Variants in GRID2 observed in about 807,000 individuals in gnomAD.
GRID2 encodes the protein glutamate receptor ionotropic, delta-2.
Under a neutral mutation model 114.8 loss-of-function variants are expected in GRID2, and 33 were observed. The ratio of observed to expected loss-of-function variants is 0.29; its 90% CI spans 0.22 to 0.38. The LOEUF is 0.38. Ranked by LOEUF, GRID2 falls within the 10% of genes least tolerant of loss-of-function variation. The probability of loss-of-function intolerance (pLI) is 1.00; values close to 1 mark genes in which losing one functional copy is unlikely to be tolerated. For synonymous variants in GRID2, 505 were observed against 449.9 expected (o/e 1.12, Z -1.55); for missense variants, 1,184 against 1,257.7 (o/e 0.94, Z 0.89).
At chr4:92,560,710 A>AT (rs71579569) in intron 1 of GRID2, among the ~76,000 whole-genome samples, 23 of 150,092 alleles carry the variant, frequency 1.5e-4, no homozygotes, top group Admixed American at 4.0e-4. Context: ...CATGGAACTA[A>AT]TTTTTTTTTT....
At chr4:92,527,343 T>C (rs1276779604) in intron 1 of GRID2, among the ~76,000 whole-genome samples, 2 of 152,150 alleles carry the variant, frequency 1.3e-5, no homozygotes, top group Admixed American at 1.3e-4. Context: ...TTTGAAATTA[T>C]CAAGGCTACT....
chr4:93,533,245 T>TCTTCCTTCCTTCCTTCCTTCCTTCCTTC (rs755045834), intron 13 of GRID2, among the ~76,000 whole-genome samples: 2 of 105,718 alleles, frequency 1.9e-5, no homozygotes, highest in Non-Finnish European at 3.8e-5. Flanking sequence ...TTTCTTTCTC[T>TCTTCCTTCCTTCCTTCCTTCCTTCCTTC]CTTCCTTCCT....
At chr4:92,806,553 A>G (rs1276302004) in intron 2 of GRID2, among the ~76,000 whole-genome samples, 1 of 151,820 alleles carries the variant, frequency 6.6e-6, no homozygotes, top group Non-Finnish European at 1.5e-5. Context: ...CAAGTAATGT[A>G]TCTTATTTGA....
intron 2 of GRID2, among the ~76,000 whole-genome samples, chr4:92,834,896 G>T (rs1195324978): frequency 6.6e-6 from 1 of 151,996 alleles, no homozygotes; most frequent in Non-Finnish European, 1.5e-5. Context: ...ATAAAACACA[G>T]CTCTTGATAA....
intron 2 of GRID2, among the ~76,000 whole-genome samples, chr4:92,652,897 C>T (rs1322377625): frequency 7.6e-6 from 1 of 131,036 alleles, no homozygotes; most frequent in Non-Finnish European, 1.6e-5. Flanking sequence ...TTTATAAATA[C>T]ATATAAATAT....
At chr4:93,311,281 T>C (rs1755983007) in intron 8 of GRID2, among the ~76,000 whole-genome samples, 1 of 152,144 alleles carries the variant, frequency 6.6e-6, no homozygotes, top group Admixed American at 6.5e-5. Context: ...GAAGGCGGCA[T>C]GGAAACTATG....
At chr4:92,718,423 A>T (rs1385746520) in intron 2 of GRID2, among the ~76,000 whole-genome samples, 1 of 152,092 alleles carries the variant, frequency 6.6e-6, no homozygotes, top group Non-Finnish European at 1.5e-5. Context: ...AAAATTTTAA[A>T]TATAGTTTAT....
chr4:93,755,290 G>T (rs998108701), intron 14 of GRID2, among the ~76,000 whole-genome samples: 1 of 152,158 alleles, frequency 6.6e-6, no homozygotes, highest in East Asian at 1.9e-4. Context: ...TAATAGATAA[G>T]TCTCATTAAG....
At chr4:93,800,622 A>G (rs1398365739) in intron 1 of GRID2, among the ~76,000 whole-genome samples, 1 of 152,208 alleles carries the variant, frequency 6.6e-6, no homozygotes, top group African/African-American at 2.4e-5. Context: ...CACTGTTATC[A>G]AAAAGTTTTT....
Position 93,434,683 on chromosome 4 carries a change from A to T in GRID2, c.1545+11715A>T, listed in dbSNP as rs1044178693. Among the ~76,000 whole-genome samples, 4 of 152,008 alleles carry T rather than the reference A, an allele frequency of 2.6e-5. No individual in the cohort carries two copies. In the East Asian group the frequency reaches 7.7e-4, roughly 29 times the overall value. ...CAATTACTCTCCCTTTCCACTCTTG[A>T]CTGCCTTCAATATATTTTAACACAG... On this transcript the variant is annotated intron_variant, in intron 10 of 15. Transcript: ENST00000282020.
At chr4:92,811,044 A>G (rs1230590913) in intron 2 of GRID2, among the ~76,000 whole-genome samples, 1 of 152,112 alleles carries the variant, frequency 6.6e-6, no homozygotes, top group Non-Finnish European at 1.5e-5. Context: ...CGGCCTTCCA[A>G]AGTGCTGGAA....
chr4:92,886,726 T>C (rs369169298), intron 2 of GRID2, among the ~76,000 whole-genome samples: 114 of 152,198 alleles, frequency 7.5e-4, no homozygotes, highest in Non-Finnish European at 1.5e-3. Flanking sequence ...CCCAGGTTCA[T>C]GCCATTCTCC....
intron 2 of GRID2, among the ~76,000 whole-genome samples, chr4:92,924,707 C>G (rs1243969789): frequency 2.0e-5 from 3 of 152,232 alleles, no homozygotes; most frequent in South Asian, 4.1e-4. Context: ...TGCCATGTCT[C>G]TAAACCATGC....
At chr4:92,459,001 C>G (rs1030559289) in intron 1 of GRID2, among the ~76,000 whole-genome samples, 9 of 152,100 alleles carry the variant, frequency 5.9e-5, no homozygotes, top group Admixed American at 5.9e-4. Flanking sequence ...GGTTTTAGAA[C>G]TGAAGCACTT....
chr4:93,401,033 A>G (rs1765832905), intron 9 of GRID2, among the ~76,000 whole-genome samples: 1 of 151,890 alleles, frequency 6.6e-6, no homozygotes, highest in South Asian at 2.1e-4. Context: ...GGGGCTCGCT[A>G]TGTTGCCCAA....
chr4:92,924,811 A>T (rs1469991353), intron 2 of GRID2, among the ~76,000 whole-genome samples: 2 of 152,132 alleles, frequency 1.3e-5, no homozygotes, highest in African/African-American at 4.8e-5. Flanking sequence ...ATGATTAATT[A>T]TTGCACATTT....
At chr4:93,200,458 C>T (rs1048860678) in intron 4 of GRID2, among the ~76,000 whole-genome samples, 87 of 151,978 alleles carry the variant, frequency 5.7e-4, no homozygotes, top group African/African-American at 2.0e-3. Context: ...CCCAGCTACT[C>T]GGGAGGCTGA....
At chr4:93,107,772 A>T (rs79017060) in intron 3 of GRID2, among the ~76,000 whole-genome samples, 323 of 152,084 alleles carry the variant, frequency 2.1e-3, no homozygotes, top group African/African-American at 7.4e-3. Context: ...GGGGTTTCAG[A>T]CATGAGCCAG....
chr4:93,038,267 A>T (rs1436749587), intron 2 of GRID2, among the ~76,000 whole-genome samples: 3 of 151,990 alleles, frequency 2.0e-5, no homozygotes, highest in African/African-American at 7.3e-5. Context: ...TTTGTCTGTT[A>T]TTGGTGTATA....
Sources: gnomAD v4.1 joint callset for allele counts (sites outside exome capture counted in the v4.1 genomes callset) on GRCh38, gnomAD v4.1.1 for gene constraint, MANE v1.5 for transcripts, NCBI Gene and HGNC (gene_info 2026-07-23, HGNC 2026-07-21) for gene names.